The following USP25 variants were observed in gnomAD, a reference collection of about 807,000 sequenced individuals.
USP25 encodes the protein ubiquitin carboxyl-terminal hydrolase 25.
USP25 carries 85 observed loss-of-function variants against 158.5 expected under a neutral mutation model. The observed-to-expected ratio is 0.54, with a 90% confidence interval of 0.45 to 0.64. The LOEUF is 0.64. Ranked by LOEUF, USP25 falls within the 30% of genes least tolerant of loss-of-function variation. The pLI is 0.00. For missense variants in USP25, 1,242 were observed against 1,327.3 expected, an observed-to-expected ratio of 0.94 and a Z score of 1.00; for synonymous variants, 464 against 460.4, an observed-to-expected ratio of 1.01 and a Z score of -0.10.
rs1490300524 is a variant in USP25 at position 15,730,008 on chromosome 21, C to G, written c.-386C>G. ...TTCCGGGCGGCCGCTCCCTCCGTCC[C>G]CTCTCTCCCTTCCCCAAAGCAGCCC... On this transcript the variant is annotated 5_prime_UTR_variant, in exon 1 of 26. Coordinates refer to ENST00000400183, the MANE Select transcript of USP25 (RefSeq NM_001283041.3). 6.6e-6 allele frequency: 1 copy of G among 151,682 alleles called. No homozygotes were observed. Among genetic ancestry groups the G allele is most frequent in the Non-Finnish European group, 1.5e-5 (1 of 67,932 alleles). 9.4% of individuals were successfully genotyped at this position (151,682 alleles called of 1,614,324 possible).
At chr21:15,856,759 C>A (rs1034901148) in intron 20 of USP25, among the ~76,000 whole-genome samples, 1 of 152,130 alleles carries the variant, frequency 6.6e-6, no homozygotes, top group Admixed American at 6.5e-5. Context: ...GCGTGAGCCA[C>A]CGCACCCGGC....
intron 14 of USP25, among the ~76,000 whole-genome samples, chr21:15,827,431 A>G (rs909000377): frequency 6.6e-6 from 1 of 152,186 alleles, no homozygotes; most frequent in Non-Finnish European, 1.5e-5. Flanking sequence ...GATTAATGAC[A>G]TAGCAGATGG....
intron 14 of USP25, among the ~76,000 whole-genome samples, chr21:15,830,127 A>G (rs933112780): frequency 6.6e-6 from 1 of 152,192 alleles, no homozygotes; most frequent in Non-Finnish European, 1.5e-5. Context: ...TGGTGATTAT[A>G]GTCGATTTTT....
At chr21:15,818,983 G>T in intron 10 of USP25, 137 bp downstream of exon 10, 1 of 1,088,964 alleles carries the variant, frequency 9.2e-7, no homozygotes, top group Non-Finnish European at 1.3e-6. Context: ...GATTTAATTG[G>T]TAATTTAGAC....
At chr21:15,863,880 C>G (rs2039538394) in intron 20 of USP25, among the ~76,000 whole-genome samples, 1 of 151,896 alleles carries the variant, frequency 6.6e-6, no homozygotes, top group African/African-American at 2.4e-5. Context: ...ACTAAAAATA[C>G]AAAAAATTTA....
intron 1 of USP25, 32 bp downstream of exon 1, chr21:15,730,470 C>G: frequency 7.5e-7 from 1 of 1,330,836 alleles, no homozygotes; most frequent in Non-Finnish European, 9.6e-7. Context: ...GCGGGCCCCA[C>G]TTCTCCTTCC....
chr21:15,796,680 C>T (rs554749815), intron 5 of USP25, among the ~76,000 whole-genome samples: 2 of 151,438 alleles, frequency 1.3e-5, no homozygotes, highest in East Asian at 1.9e-4. Flanking sequence ...TGGATTAAGG[C>T]GACCTGAGAC....
chr21:15,750,216 T>TGTATG (rs1568757063), intron 1 of USP25, among the ~76,000 whole-genome samples: 4 of 8,594 alleles, frequency 4.7e-4, no homozygotes, highest in African/African-American at 5.6e-4. Flanking sequence ...GTGTGTATGT[T>TGTATG]TTTTTTTTTT....
chr21:15,789,424 G>A (rs2035470393), intron 4 of USP25, among the ~76,000 whole-genome samples: 1 of 152,006 alleles, frequency 6.6e-6, no homozygotes, highest in Non-Finnish European at 1.5e-5. Context: ...TGTGATATGT[G>A]TGATCTGCTC....
At chr21:15,817,746 C>CAT (rs2037017020) in intron 9 of USP25, among the ~76,000 whole-genome samples, 1 of 152,006 alleles carries the variant, frequency 6.6e-6, no homozygotes, top group African/African-American at 2.4e-5. Flanking sequence ...TCTCATGAGG[C>CAT]ATATTCACTA....
chr21:15,771,354 T>TG (rs2034340243), intron 3 of USP25, among the ~76,000 whole-genome samples: 1 of 152,006 alleles, frequency 6.6e-6, no homozygotes, highest in South Asian at 2.1e-4. Flanking sequence ...AAACAAGTGA[T>TG]GGGGGTGTGC....
In USP25 at chr21:15,736,138, C is replaced by T. The variant is rs185346401; in HGVS notation, c.45+5700C>T. On this transcript the variant is annotated intron_variant, in intron 1 of 25. Transcript: ENST00000400183. ...TTTGAGACGGGGTTTTGCTCTCTCA[C>T]CCAAGCTGGAGTGCAATGGTGCAAT... 1.7e-4 allele frequency among the ~76,000 whole-genome samples: 26 copies of T among 151,876 alleles called. No homozygotes were observed. In the East Asian group the frequency reaches 4.3e-3, roughly 25 times the overall value.
chr21:15,762,741 G>T, intron 1 of USP25, 150 bp from the exon 2 acceptor site: 1 of 596,450 alleles, frequency 1.7e-6, no homozygotes. Flanking sequence ...GAAGTTGTTT[G>T]GCCTTTCTCA....
chr21:15,808,943 T>A, intron 8 of USP25, 58 bp downstream of exon 8: 1 of 1,209,320 alleles, frequency 8.3e-7, no homozygotes, highest in Non-Finnish European at 1.2e-6. Flanking sequence ...TAGCATGTAT[T>A]AAATGTCAAC....
intron 9 of USP25, 61 bp downstream of exon 9, chr21:15,811,271 C>T: frequency 3.5e-6 from 5 of 1,431,456 alleles, no homozygotes; most frequent in Non-Finnish European, 4.8e-6. Flanking sequence ...ATTCATTCGT[C>T]TCGATAGTTA....
intron 1 of USP25, among the ~76,000 whole-genome samples, chr21:15,735,689 T>G (rs1861939820): frequency 6.6e-6 from 1 of 152,154 alleles, no homozygotes; most frequent in Admixed American, 6.5e-5. Context: ...TTATGTTGAG[T>G]CATTCAAAAT....
At chr21:15,862,822 T>A (rs2039488306) in intron 20 of USP25, among the ~76,000 whole-genome samples, 2 of 151,028 alleles carry the variant, frequency 1.3e-5, no homozygotes, top group Admixed American at 1.3e-4. Flanking sequence ...ATTTATAATC[T>A]TATGCTGCAT....
At chr21:15,808,008 C>T (rs960151504) in intron 7 of USP25, among the ~76,000 whole-genome samples, 5 of 152,172 alleles carry the variant, frequency 3.3e-5, no homozygotes, top group African/African-American at 4.8e-5. Context: ...GGCCTACATG[C>T]TCTTTAAGAA....
intron 23 of USP25, 128 bp from the exon 24 acceptor site, chr21:15,874,275 T>C: frequency 1.2e-6 from 1 of 822,608 alleles, no homozygotes; most frequent in South Asian, 2.0e-5. Flanking sequence ...CTGCGTCAGA[T>C]GATATTTTTT....
Sources: allele counts gnomAD v4.1 joint callset (sites outside exome capture counted in the v4.1 genomes callset), GRCh38; gene constraint gnomAD v4.1.1; transcripts MANE v1.5; gene names NCBI Gene and HGNC (gene_info 2026-07-23, HGNC 2026-07-21).